Variants in FAR2 observed in about 807,000 individuals in gnomAD.
FAR2 encodes the protein epididymis secretory protein Li 81.
Under a neutral mutation model 56.0 loss-of-function variants are expected in FAR2, and 19 were observed. The observed-to-expected ratio is 0.34, with a 90% confidence interval of 0.24 to 0.50. FAR2 has a LOEUF of 0.50. Ranked by LOEUF, FAR2 falls within the 20% of genes least tolerant of loss-of-function variation. The probability of loss-of-function intolerance (pLI) is 0.98; values close to 1 mark genes in which losing one functional copy is unlikely to be tolerated. For synonymous variants in FAR2, 219 were observed against 218.8 expected (o/e 1.00, Z -0.01); for missense variants, 508 against 642.2 (o/e 0.79, Z 2.26).
At chr12:29,305,610 T>C (rs1253620423) in intron 4 of FAR2, among the ~76,000 whole-genome samples, 1 of 152,222 alleles carries the variant, frequency 6.6e-6, no homozygotes, top group Non-Finnish European at 1.5e-5. Context: ...TGAGTATAAT[T>C]ATTGCCATTT....
chr12:29,213,605 G>A (rs907071049), intron 1 of FAR2, among the ~76,000 whole-genome samples: 1 of 150,292 alleles, frequency 6.7e-6, no homozygotes, highest in Non-Finnish European at 1.5e-5. Flanking sequence ...CAGGGGAATC[G>A]CTTGAATCCG....
intron 2 of FAR2, chr12:29,282,137 T>A (rs1248574163): frequency 6.6e-6 from 1 of 152,016 alleles, no homozygotes; most frequent in Admixed American, 6.6e-5. Context: ...CCTAACCAAA[T>A]AAAGTATAAA....
intron 1 of FAR2, among the ~76,000 whole-genome samples, chr12:29,237,136 G>A (rs1184781761): frequency 2.6e-5 from 4 of 152,082 alleles, no homozygotes; most frequent in Non-Finnish European, 4.4e-5. Context: ...GAAACGCATT[G>A]TTAGATTCCC....
intron 2 of FAR2, among the ~76,000 whole-genome samples, chr12:29,278,092 T>C (rs2136720068): frequency 6.6e-6 from 1 of 151,932 alleles, no homozygotes; most frequent in African/African-American, 2.4e-5. Context: ...CTGCCAAAGC[T>C]GGCTAATTTT....
intron 1 of FAR2, among the ~76,000 whole-genome samples, chr12:29,264,129 C>T (rs183555694): frequency 6.6e-6 from 1 of 152,084 alleles, no homozygotes; most frequent in African/African-American, 2.4e-5. Context: ...TCACCATGAT[C>T]ACATGGAATT....
chr12:29,294,038 C>T (rs1949016512), intron 3 of FAR2, among the ~76,000 whole-genome samples: 1 of 152,158 alleles, frequency 6.6e-6, no homozygotes, highest in East Asian at 1.9e-4. Context: ...CATTTTCACA[C>T]ATAATGCTAA....
chr12:29,285,111 G>A (rs1053608383), intron 2 of FAR2, among the ~76,000 whole-genome samples: 3 of 152,172 alleles, frequency 2.0e-5, no homozygotes. Flanking sequence ...AAAGTGCTGG[G>A]ATTACAGGCG....
chr12:29,307,835 A>G lies in FAR2; in HGVS notation c.723A>G (p.Pro241=). 2 of 1,608,910 alleles carry G rather than the reference A, an allele frequency of 1.2e-6. No homozygotes were observed. Among genetic ancestry groups the G allele is most frequent in the Non-Finnish European group, 1.7e-6 (2 of 1,178,910 alleles). Residue 241 remains proline, a splice_region_variant and synonymous_variant, in exon 5 of 12, where the codon CCA becomes CCG. Coordinates refer to ENST00000536681, the MANE Select transcript of FAR2 (RefSeq NM_001271783.2). ...IVGATWQEPF[P]GWVDNINGPN... Reference sequence around the variant, plus strand: ...GAGCAACTTGGCAGGAGCCTTTCCCAGTAAGCCCACTTACCTGGATTCTGT... The same window carrying G: ...GAGCAACTTGGCAGGAGCCTTTCCCGGTAAGCCCACTTACCTGGATTCTGT...
chr12:29,308,707 CACACACACACACAT>C (rs1434820885), intron 5 of FAR2, among the ~76,000 whole-genome samples: 2 of 136,926 alleles, frequency 1.5e-5, no homozygotes, highest in African/African-American at 6.5e-5. Context: ...CACACACACA[CACACACACACACAT>C]ATATATATAT....
chr12:29,304,503 T>C (rs1949224305), intron 4 of FAR2, among the ~76,000 whole-genome samples: 1 of 152,174 alleles, frequency 6.6e-6, no homozygotes, highest in Non-Finnish European at 1.5e-5. Flanking sequence ...CATAAGACAG[T>C]GTGTCCACTA....
intron 8 of FAR2, among the ~76,000 whole-genome samples, chr12:29,314,777 T>G (rs1949418340): frequency 6.6e-6 from 1 of 152,072 alleles, no homozygotes; most frequent in African/African-American, 2.4e-5. Context: ...AGGGAATATA[T>G]CATATATATT....
At chr12:29,232,066 T>A (rs1292124648) in intron 1 of FAR2, among the ~76,000 whole-genome samples, 1 of 152,226 alleles carries the variant, frequency 6.6e-6, no homozygotes, top group East Asian at 1.9e-4. Flanking sequence ...GGACAGAATT[T>A]GGATTGTGTA....
chr12:29,317,055 G>A (rs775258996), intron 9 of FAR2, 43 bp downstream of exon 9: 3 of 1,562,302 alleles, frequency 1.9e-6, no homozygotes, highest in Non-Finnish European at 2.6e-6. Context: ...CACTGCATGG[G>A]AGATTAAGGC....
At chr12:29,211,260 C>T (rs571868341) in intron 1 of FAR2, among the ~76,000 whole-genome samples, 125 of 152,034 alleles carry the variant, frequency 8.2e-4, no homozygotes, top group Admixed American at 2.0e-3. Flanking sequence ...CACTGCACTC[C>T]GGCCTGGGCA....
intron 1 of FAR2, among the ~76,000 whole-genome samples, chr12:29,204,923 C>T (rs1041350908): frequency 1.3e-5 from 2 of 152,178 alleles, no homozygotes; most frequent in Admixed American, 6.5e-5. Context: ...TCCCACCAGG[C>T]CCCACCTCCA....
Position 29,167,996 on chromosome 12 carries a change from A to G in FAR2, c.-39+18589A>G, listed in dbSNP as rs551341873. The stretch of plus-strand genomic sequence containing the variant: ...TTCTTGGAGAGATGGTGCTTCCCAA[A>G]TAAACAGTGTCGTCAAAATAAATGT... On this transcript the variant is annotated intron_variant, in intron 1 of 11. Coordinates refer to ENST00000536681, the MANE Select transcript of FAR2 (RefSeq NM_001271783.2). Among the ~76,000 whole-genome samples, 17 of 152,338 alleles carry G rather than the reference A, an allele frequency of 1.1e-4. No homozygotes were observed. In the South Asian group the frequency reaches 3.3e-3, roughly 30 times the overall value.
rs552898788 is a variant in FAR2 at position 29,181,288 on chromosome 12, G to A, written c.-39+31881G>A. Among the ~76,000 whole-genome samples the A allele has an allele frequency of 8.2e-4, 125 of 152,074 alleles. 1 individual carries two copies. The highest frequency in any genetic ancestry group is 2.8e-3 in the African/African-American group (118 of 41,452). On this transcript the variant is annotated intron_variant, in intron 1 of 11. Transcript: ENST00000536681. ...TTAAACACCTCCTTTGAGTCATTAA[G>A]GCTAAAATAGTATCATTAATATTAT...
At chr12:29,239,471 T>TGC (rs1361201280) in intron 1 of FAR2, among the ~76,000 whole-genome samples, 1 of 151,692 alleles carries the variant, frequency 6.6e-6, no homozygotes, top group Non-Finnish European at 1.5e-5. Context: ...TGTGTGTGTG[T>TGC]GTGTGTGTGT....
intron 3 of FAR2, 86 bp from the exon 4 acceptor site, chr12:29,296,935 A>T (rs1393961054): frequency 2.4e-6 from 3 of 1,265,698 alleles, no homozygotes; most frequent in Middle Eastern, 2.0e-4. Context: ...TCTGATAGGT[A>T]TGCCAGTTAT....
Sources: allele counts gnomAD v4.1 joint callset (sites outside exome capture counted in the v4.1 genomes callset), GRCh38; gene constraint gnomAD v4.1.1; transcripts MANE v1.5; gene names NCBI Gene and HGNC (gene_info 2026-07-23, HGNC 2026-07-21).